The following DGAT2L6 variants were observed in gnomAD, a reference collection of about 807,000 sequenced individuals.
The protein encoded by DGAT2L6 is diacylglycerol O-acyltransferase 2-like protein 6.
A neutral mutation model predicts 25.5 loss-of-function variants in DGAT2L6; 22 were observed. The observed-to-expected ratio is 0.86, with a 90% CI of 0.62 to 1.23. DGAT2L6 has a LOEUF of 1.23. DGAT2L6 is among the 50% of genes most tolerant of loss of function. The pLI is 0.00. For synonymous variants in DGAT2L6, 100 were observed against 94.7 expected (o/e 1.06, Z -0.32); for missense variants, 287 against 253.2 (o/e 1.13, Z -0.91).
intron 1 of DGAT2L6, among the ~76,000 whole-genome samples, chrX:70,182,694 C>T (rs2085347213): frequency 9.1e-6 from 1 of 110,025 alleles, no homozygotes; most frequent in Admixed American, 9.6e-5. Flanking sequence ...CGCTCTGTCG[C>T]CCAGGCTGGA....
At chrX:70,203,779 A>G (rs1390000711) in intron 5 of DGAT2L6, among the ~76,000 whole-genome samples, 2 of 111,038 alleles carry the variant, frequency 1.8e-5, no homozygotes, top group African/African-American at 6.6e-5. Flanking sequence ...ACTGAGTGCA[A>G]AATTGAATGA....
intron 1 of DGAT2L6, among the ~76,000 whole-genome samples, chrX:70,193,806 A>G (rs1312147037): frequency 3.6e-5 from 4 of 112,309 alleles, no homozygotes; most frequent in African/African-American, 1.3e-4. Flanking sequence ...ACAATGGTGA[A>G]AAGCTGAAAG....
intron 1 of DGAT2L6, among the ~76,000 whole-genome samples, chrX:70,182,944 C>T (rs1415963406): frequency 8.9e-6 from 1 of 111,826 alleles, no homozygotes; most frequent in Non-Finnish European, 1.9e-5. Flanking sequence ...GCGTGAGCCA[C>T]CGCGCCCGAC....
chrX:70,192,112 G>A (rs1322188342), intron 1 of DGAT2L6, among the ~76,000 whole-genome samples: 1 of 111,392 alleles, frequency 9.0e-6, no homozygotes, highest in Non-Finnish European at 1.9e-5. Flanking sequence ...ACCCAGGCAT[G>A]GTGATGTCCA....
In DGAT2L6 at chrX:70,195,401, G is replaced by A. The variant is rs764674211; in HGVS notation, c.86-3870G>A. Among the ~76,000 whole-genome samples, 7 of 110,182 alleles carry A rather than the reference G, an allele frequency of 6.4e-5. No homozygotes were observed. In the South Asian group the frequency reaches 2.8e-3, roughly 44 times the overall value. On this transcript the variant is annotated intron_variant, in intron 1 of 6. Transcript: ENST00000333026. ...CCCCATGTTCACTGCAGTATTATTA[G>A]TAATAGCCAAGACGTGGGATCGACC...
chrX:70,199,176 C>A, intron 1 of DGAT2L6, 95 bp from the exon 2 acceptor site: 1 of 523,664 alleles, frequency 1.9e-6, no homozygotes, highest in Non-Finnish European at 3.2e-6. Context: ...TCAGCCTAGC[C>A]CTGCTCCTGT....
At chrX:70,198,699 C>T (rs975179750) in intron 1 of DGAT2L6, among the ~76,000 whole-genome samples, 1 of 111,329 alleles carries the variant, frequency 9.0e-6, no homozygotes, top group Non-Finnish European at 1.9e-5. Flanking sequence ...CCACCATGCC[C>T]GGCTAATTTT....
At chrX:70,197,939 G>A (rs1243634650) in intron 1 of DGAT2L6, among the ~76,000 whole-genome samples, 1 of 111,874 alleles carries the variant, frequency 8.9e-6, no homozygotes, top group African/African-American at 3.3e-5. Context: ...GTGCTTATGA[G>A]GGCAATTCAG....
chrX:70,192,225 A>C, intron 1 of DGAT2L6, among the ~76,000 whole-genome samples: 1 of 112,176 alleles, frequency 8.9e-6, no homozygotes, highest in Non-Finnish European at 1.9e-5. Context: ...GCACTTCAGC[A>C]TAGGTGACAA....
Position 70,204,316 on chromosome X carries a change from T to C in DGAT2L6, c.659T>C (p.Val220Ala). 1 of 1,205,703 alleles carries C rather than the reference T, an allele frequency of 8.3e-7. No homozygotes were observed. The highest frequency in any genetic ancestry group is 3.0e-5 in the East Asian group (1 of 33,677). ...KMALQTGAYL[V>A]PSYSFGENEV... ...CCCTCTCTTTGCAGGGCATACCTTG[T>C]CCCTTCATATTCCTTTGGTGAGAAC... Residue 220 changes from valine (V) to alanine (A), a missense_variant, in exon 6 of 7, where the codon GTC becomes GCC. Physicochemically the swap from Val to Ala is moderately conservative, Grantham distance 64. Transcript: ENST00000333026.
At chrX:70,186,392 A>G (rs184503471) in intron 1 of DGAT2L6, among the ~76,000 whole-genome samples, 1 of 112,300 alleles carries the variant, frequency 8.9e-6, no homozygotes, top group Non-Finnish European at 1.9e-5. Flanking sequence ...AGATATCACA[A>G]GGAAGTGTCA....
At chrX:70,180,550 C>T (rs896611726) in intron 1 of DGAT2L6, among the ~76,000 whole-genome samples, 6 of 111,423 alleles carry the variant, frequency 5.4e-5, no homozygotes, top group Non-Finnish European at 1.1e-4. Flanking sequence ...TGGTACAATA[C>T]CTAGAACATA....
chrX:70,200,186 G>C, intron 3 of DGAT2L6, 69 bp from the exon 4 acceptor site: 4 of 1,057,614 alleles, frequency 3.8e-6, no homozygotes, highest in Non-Finnish European at 5.3e-6. Flanking sequence ...CTACCTGCTG[G>C]GATTTTAGTC....
chrX:70,185,881 T>G (rs1180940395), intron 1 of DGAT2L6, among the ~76,000 whole-genome samples: 1 of 110,442 alleles, frequency 9.1e-6, no homozygotes, highest in Non-Finnish European at 1.9e-5. Context: ...TTTTTTTGTT[T>G]TTTTTTTTTA....
chrX:70,204,600 C>A, intron 6 of DGAT2L6, 84 bp downstream of exon 6: 1 of 1,069,026 alleles, frequency 9.4e-7, no homozygotes, highest in Non-Finnish European at 1.3e-6. Context: ...CCAGGGGGAC[C>A]CAACTCACAT....
chrX:70,205,339 C>T lies in DGAT2L6; in HGVS notation c.*233C>T. ...GCAGGGGAGGACTGGGGAGGGCTGG[C>T]TAGCCAGAGGAGTTGGCTGTATCAC... On this transcript the variant is annotated 3_prime_UTR_variant, in exon 7 of 7. Coordinates refer to ENST00000333026, the MANE Select transcript of DGAT2L6 (RefSeq NM_198512.3). The T allele has an allele frequency of 3.0e-6, 1 of 330,883 alleles. No individual in the cohort carries two copies. The highest frequency in any genetic ancestry group is 5.0e-6 in the Non-Finnish European group (1 of 200,413). The allele number at this position is 330,883 out of a possible 1,213,427, so 27.3% of individuals were successfully genotyped here.
chrX:70,182,163 A>C (rs1304647431), intron 1 of DGAT2L6, among the ~76,000 whole-genome samples: 1 of 111,522 alleles, frequency 9.0e-6, no homozygotes, highest in Non-Finnish European at 1.9e-5. Context: ...ATGGGGAGGA[A>C]ATAGAGAAAA....
intron 4 of DGAT2L6, 88 bp downstream of exon 4, chrX:70,200,547 G>A (rs2085406641): frequency 1.1e-6 from 1 of 883,602 alleles, no homozygotes; most frequent in Admixed American, 2.7e-5. Flanking sequence ...CCTGCTTGAA[G>A]AGTACATGAT....
intron 1 of DGAT2L6, among the ~76,000 whole-genome samples, chrX:70,191,015 A>G (rs1602690579): frequency 8.9e-6 from 1 of 112,281 alleles, no homozygotes; most frequent in South Asian, 3.7e-4. Flanking sequence ...CCAGTGACCT[A>G]GCAGAAGCCC....
Sources: allele counts gnomAD v4.1 joint callset (sites outside exome capture counted in the v4.1 genomes callset), GRCh38; gene constraint gnomAD v4.1.1; transcripts MANE v1.5; gene names NCBI Gene and HGNC (gene_info 2026-07-23, HGNC 2026-07-21).